The following KCNH8 variants were observed in gnomAD, a reference collection of about 807,000 sequenced individuals.
KCNH8 encodes the protein potassium voltage-gated channel subfamily H member 8, also known as voltage-gated delayed rectifier potassium channel KCNH8.
Under a neutral mutation model 103.6 loss-of-function variants are expected in KCNH8, and 70 were observed. The ratio of observed to expected loss-of-function variants is 0.68; its 90% CI spans 0.56 to 0.82. KCNH8 has a LOEUF of 0.82. KCNH8 is among the 40% of genes least tolerant of loss of function. KCNH8 has a pLI of 0.00. For missense variants in KCNH8, 1,217 were observed against 1,329.9 expected (o/e 0.92, Z 1.32); for synonymous variants, 498 against 489.4 (o/e 1.02, Z -0.23).
At chr3:19,345,282 G>T (rs1350613541) in intron 4 of KCNH8, among the ~76,000 whole-genome samples, 5 of 152,068 alleles carry the variant, frequency 3.3e-5, no homozygotes, top group African/African-American at 1.2e-4. Context: ...GGGGACAGTG[G>T]TGATCAGCAA....
rs894622937 is a variant in KCNH8 at position 19,290,920 on chromosome 3, C to T, written c.442+9591C>T. ...CTATTAATTATTGCCTGAATTTCAGCGCCTGTTATTGGTCTATTCAGAGAT... is the reference window on the plus strand; with the variant it reads ...CTATTAATTATTGCCTGAATTTCAGTGCCTGTTATTGGTCTATTCAGAGAT... On this transcript the variant is annotated intron_variant, in intron 3 of 15. Transcript: ENST00000328405. Among the ~76,000 whole-genome samples the T allele has an allele frequency of 1.0e-3, 156 of 152,204 alleles. 1 individual carries two copies. Among genetic ancestry groups the T allele is most frequent in the African/African-American group, 3.5e-3 (144 of 41,524 alleles).
intron 7 of KCNH8, among the ~76,000 whole-genome samples, chr3:19,399,093 A>G (rs143211228): frequency 6.6e-6 from 1 of 152,094 alleles, no homozygotes; most frequent in East Asian, 1.9e-4. Flanking sequence ...TCCTATATCA[A>G]CCTTGTAACC....
intron 11 of KCNH8, among the ~76,000 whole-genome samples, chr3:19,497,833 T>C (rs1225603355): frequency 2.0e-5 from 3 of 152,166 alleles, no homozygotes; most frequent in African/African-American, 7.2e-5. Flanking sequence ...ATACTCTCAA[T>C]GGGGTATTGA....
chr3:19,352,638 A>G (rs368374127), intron 5 of KCNH8, among the ~76,000 whole-genome samples: 9 of 152,066 alleles, frequency 5.9e-5, no homozygotes, highest in Non-Finnish European at 7.4e-5. Flanking sequence ...TGACTACTGG[A>G]TACATAACGA....
At chr3:19,483,809 A>G (rs1206168657) in intron 11 of KCNH8, among the ~76,000 whole-genome samples, 1 of 152,110 alleles carries the variant, frequency 6.6e-6, no homozygotes, top group African/African-American at 2.4e-5. Flanking sequence ...CTGAGGATCA[A>G]GGGGATTGGT....
intron 3 of KCNH8, among the ~76,000 whole-genome samples, chr3:19,331,887 TG>T (rs1226029538): frequency 6.6e-6 from 1 of 152,190 alleles, no homozygotes; most frequent in Non-Finnish European, 1.5e-5. Flanking sequence ...TCTATCATGA[TG>T]AAAGTAACTG....
chr3:19,354,223 G>A (rs2065846251), intron 5 of KCNH8, among the ~76,000 whole-genome samples: 2 of 151,998 alleles, frequency 1.3e-5, no homozygotes, highest in East Asian at 1.9e-4. Flanking sequence ...GCTCATCGAA[G>A]TAAAAGAGGA....
intron 7 of KCNH8, among the ~76,000 whole-genome samples, chr3:19,401,603 C>T (rs1314765377): frequency 6.6e-6 from 1 of 151,804 alleles, no homozygotes; most frequent in African/African-American, 2.4e-5. Flanking sequence ...AATATTTCCA[C>T]GTTTTAGAAG....
chr3:19,217,443 A>AT (rs1448466240), intron 1 of KCNH8, among the ~76,000 whole-genome samples: 1 of 152,102 alleles, frequency 6.6e-6, no homozygotes, highest in Non-Finnish European at 1.5e-5. Context: ...CTTTTTAGCC[A>AT]TTTTTATGTT....
At chr3:19,285,778 C>T (rs1030330577) in intron 3 of KCNH8, among the ~76,000 whole-genome samples, 2 of 151,662 alleles carry the variant, frequency 1.3e-5, no homozygotes, top group Non-Finnish European at 2.9e-5. Flanking sequence ...TGTTTTTTCT[C>T]CCTCACTTGC....
intron 1 of KCNH8, among the ~76,000 whole-genome samples, chr3:19,149,375 C>T (rs2063106231): frequency 6.6e-6 from 1 of 151,832 alleles, no homozygotes; most frequent in Admixed American, 6.6e-5. Context: ...CTTAAATGAG[C>T]CTAACACTCA....
chr3:19,172,308 T>C lies in KCNH8; in HGVS notation c.76+23513T>C, dbSNP rs1407109823. 3.9e-5 allele frequency among the ~76,000 whole-genome samples: 6 copies of C among 152,234 alleles called. No individual in the cohort carries two copies. In the South Asian group the frequency reaches 8.3e-4, roughly 21 times the overall value. ...ATTATTATTTTTACTTATATACTTC[T>C]CTTCTCCATAAGAATACATACCCCT... On this transcript the variant is annotated intron_variant, in intron 1 of 15. Coordinates refer to ENST00000328405, the MANE Select transcript of KCNH8 (RefSeq NM_144633.3).
intron 1 of KCNH8, among the ~76,000 whole-genome samples, chr3:19,192,341 T>G (rs2063561349): frequency 6.6e-6 from 1 of 151,640 alleles, no homozygotes; most frequent in East Asian, 1.9e-4. Context: ...AACATAGTAA[T>G]TACCAACCTT....
At chr3:19,416,269 A>G (rs554338631) in intron 7 of KCNH8, among the ~76,000 whole-genome samples, 18 of 152,152 alleles carry the variant, frequency 1.2e-4, no homozygotes, top group African/African-American at 4.3e-4. Context: ...TGTTTTATAT[A>G]TTTCCATTAG....
intron 1 of KCNH8, among the ~76,000 whole-genome samples, chr3:19,238,640 G>A (rs1004757583): frequency 6.6e-6 from 1 of 152,138 alleles, no homozygotes; most frequent in Non-Finnish European, 1.5e-5. Flanking sequence ...CCAATTACTT[G>A]TCCTCCTTGT....
At chr3:19,289,423 C>T (rs567117854) in intron 3 of KCNH8, among the ~76,000 whole-genome samples, 20 of 152,240 alleles carry the variant, frequency 1.3e-4, no homozygotes, top group African/African-American at 4.8e-4. Flanking sequence ...GGAAGGGATC[C>T]AATTTCAGCT....
At chr3:19,159,113 T>C (rs1347178720) in intron 1 of KCNH8, among the ~76,000 whole-genome samples, 5 of 151,894 alleles carry the variant, frequency 3.3e-5, no homozygotes, top group African/African-American at 1.2e-4. Context: ...TAAGCCTTTT[T>C]ATCCATTGTC....
chr3:19,225,752 T>C (rs2063923282), intron 1 of KCNH8, among the ~76,000 whole-genome samples: 1 of 152,186 alleles, frequency 6.6e-6, no homozygotes, highest in Non-Finnish European at 1.5e-5. Context: ...GTTATTTTAG[T>C]TCTTGGTTTC....
chr3:19,493,056 A>G (rs2068360964), intron 11 of KCNH8, among the ~76,000 whole-genome samples: 1 of 151,088 alleles, frequency 6.6e-6, no homozygotes, highest in Admixed American at 6.6e-5. Flanking sequence ...AATGCTATTG[A>G]TTTTTGTACA....
Sources: gnomAD v4.1 joint callset for allele counts (sites outside exome capture counted in the v4.1 genomes callset) on GRCh38, gnomAD v4.1.1 for gene constraint, MANE v1.5 for transcripts, NCBI Gene and HGNC (gene_info 2026-07-23, HGNC 2026-07-21) for gene names.